The following TMEM255B variants were observed in gnomAD, a reference collection of about 807,000 sequenced individuals.
TMEM255B encodes transmembrane protein 255B.
Under a neutral mutation model 34.5 loss-of-function variants are expected in TMEM255B, and 35 were observed. The observed-to-expected ratio is 1.01, with a 90% CI of 0.77 to 1.34. The LOEUF is 1.34. TMEM255B is among the 40% of genes most tolerant of loss of function. The pLI is 0.00. For synonymous variants in TMEM255B, 206 were observed against 201.2 expected (o/e 1.02, Z -0.20); for missense variants, 432 against 433.2 (o/e 1.00, Z 0.02).
chr13:113,780,677 A>G lies in TMEM255B; in HGVS notation c.252+11517A>G, dbSNP rs540022502. Among the ~76,000 whole-genome samples the G allele has an allele frequency of 4.6e-5, 7 of 152,316 alleles. No homozygotes were observed. The South Asian group carries it at 1.4e-3, about 32-fold the overall frequency. ...TCCTGAACATTTTTCCTCTATTCTG[A>G]TGTCACAGTCTTCAAAGTTATCAGA... On this transcript the variant is annotated intron_variant, in intron 3 of 8. Transcript: ENST00000375353.
chr13:113,768,789 G>C, intron 2 of TMEM255B: 1 of 488,566 alleles, frequency 2.0e-6, no homozygotes, highest in Admixed American at 2.3e-5. Context: ...GGTGGCCCTG[G>C]GTTCCCGAAA....
intron 3 of TMEM255B, among the ~76,000 whole-genome samples, chr13:113,785,797 CAG>C (rs2050731701): frequency 6.6e-6 from 1 of 152,142 alleles, no homozygotes; most frequent in Admixed American, 6.5e-5. Flanking sequence ...GGGTTGCCCT[CAG>C]GGGCTCAGGA....
chr13:113,789,648 A>G (rs1012266308), intron 3 of TMEM255B, among the ~76,000 whole-genome samples: 2 of 152,182 alleles, frequency 1.3e-5, no homozygotes, highest in Non-Finnish European at 2.9e-5. Context: ...GCACCATGAG[A>G]AGCTCTTGGC....
intron 6 of TMEM255B, 89 bp downstream of exon 6, chr13:113,801,001 G>T (rs2051047828): frequency 7.8e-7 from 1 of 1,278,346 alleles, no homozygotes. Context: ...GGAGGTGAGG[G>T]GCGCTGGGGA....
intron 4 of TMEM255B, among the ~76,000 whole-genome samples, chr13:113,796,673 T>TC (rs573183230): frequency 3.5e-4 from 53 of 152,254 alleles, no homozygotes; most frequent in Non-Finnish European, 6.2e-4. Flanking sequence ...GGCTGCGCCA[T>TC]CCCCCCTCCT....
intron 3 of TMEM255B, among the ~76,000 whole-genome samples, chr13:113,784,938 G>C (rs1372771373): frequency 2.0e-5 from 3 of 152,236 alleles, no homozygotes; most frequent in Admixed American, 1.3e-4. Flanking sequence ...CCATCAAAGA[G>C]AGGTTTATTT....
rs1206837956 is a variant in TMEM255B, at chr13:113,812,181, G to A, written c.*278G>A. 8.0e-6 allele frequency: 4 copies of A among 498,416 alleles called. No individual in the cohort carries two copies. The highest frequency in any genetic ancestry group is 7.1e-5 in the East Asian group (2 of 28,046). The allele number at this position is 498,416 out of a possible 1,614,324, so 30.9% of individuals were successfully genotyped here. On this transcript the variant is annotated 3_prime_UTR_variant, in exon 9 of 9. Transcript: ENST00000375353. ...CCGGCCTCCTCCTCTGAGAGCAATT[G>A]TTCTGGTGTTTTCACATCCCTTAAT...
rs968148792 is a variant in TMEM255B at position 113,815,080 on chromosome 13, C to T, written c.*3177C>T. 1 of 152,064 alleles carries T rather than the reference C, an allele frequency of 6.6e-6. No individual in the cohort carries two copies. The highest frequency in any genetic ancestry group is 2.4e-5 in the African/African-American group (1 of 41,348). The allele number at this position is 152,064 out of a possible 1,614,324, so 9.4% of individuals were successfully genotyped here. A position where few individuals can be genotyped will look rare whatever the true frequency, so the allele number is the denominator to read the frequency against. On this transcript the variant is annotated 3_prime_UTR_variant, in exon 9 of 9. Coordinates refer to ENST00000375353, the MANE Select transcript of TMEM255B (RefSeq NM_182614.4). ...GGGCAGGGGTCCGTTGAGACTGGCC[C>T]CACCTTATTAGCTTGGGACCTTGGG...
Position 113,764,430 on chromosome 13 carries a change from C to A in TMEM255B, c.47-1685C>A, listed in dbSNP as rs551673555. On this transcript the variant is annotated intron_variant, in intron 1 of 8. Coordinates refer to ENST00000375353, the MANE Select transcript of TMEM255B (RefSeq NM_182614.4). Reference sequence around the variant, plus strand: ...GTGGGGATTGCTCCCTGGCCCGCACCGGGCTGCGGCCTCTGGTGTCTCAGG... The same window carrying A: ...GTGGGGATTGCTCCCTGGCCCGCACAGGGCTGCGGCCTCTGGTGTCTCAGG... Among the ~76,000 whole-genome samples, 141 of 152,290 alleles carry A rather than the reference C, an allele frequency of 9.3e-4. 2 individuals carry two copies. The highest frequency in any genetic ancestry group is 6.0e-4 in the Non-Finnish European group (41 of 68,010).
At chr13:113,789,827 T>C (rs2050798090) in intron 3 of TMEM255B, among the ~76,000 whole-genome samples, 2 of 148,206 alleles carry the variant, frequency 1.3e-5, no homozygotes, top group Admixed American at 1.3e-4. Context: ...ACTGACCGTG[T>C]ACATGGACAT....
At position 113,800,847 on chromosome 13, in the gene TMEM255B, C is replaced by T. The variant is rs201537526; in HGVS notation, c.444C>T (p.Asp148=). 123 of 1,608,896 alleles carry T rather than the reference C, an allele frequency of 7.6e-5. No homozygotes were observed. Among genetic ancestry groups the T allele is most frequent in the Admixed American group, 3.5e-4 (21 of 59,496 alleles). ...YQTEVTCHSL[D]GKCQLKVRSN... ...CCCAGGTCACCTGTCACTCCCTGGA[C>T]GGCAAGTGCCAGCTGAAGGTGAGAA... The change falls in exon 6 of 9, where the codon GAC becomes GAT. Residue 148 remains aspartate, a synonymous_variant. Coordinates refer to ENST00000375353, the MANE Select transcript of TMEM255B (RefSeq NM_182614.4).
intron 3 of TMEM255B, among the ~76,000 whole-genome samples, chr13:113,787,312 A>G (rs1476356114): frequency 6.6e-6 from 1 of 152,172 alleles, no homozygotes; most frequent in East Asian, 1.9e-4. Context: ...TGTATTCTAG[A>G]CTAAAATAAT....
At position 113,800,152 on chromosome 13, in the gene TMEM255B, G is replaced by A. The variant is rs1474547890; in HGVS notation, c.424-675G>A. 39 of 750,098 alleles carry A rather than the reference G, an allele frequency of 5.2e-5. 1 individual carries two copies. Among genetic ancestry groups the A allele is most frequent in the Non-Finnish European group, 6.2e-5 (36 of 582,582 alleles). The allele number at this position is 750,098 out of a possible 1,614,324, so 46.5% of individuals were successfully genotyped here. ...TGTTTAGGGGGGAGGTGTCCTGTGT[G>A]TGTATGTGTATGTGTGTGTGGAGGT... On this transcript the variant is annotated intron_variant, in intron 5 of 8. Coordinates refer to ENST00000375353, the MANE Select transcript of TMEM255B (RefSeq NM_182614.4).
intron 4 of TMEM255B, 38 bp downstream of exon 4, chr13:113,795,275 G>T: frequency 1.3e-6 from 2 of 1,589,030 alleles, no homozygotes; most frequent in South Asian, 2.2e-5. Flanking sequence ...TCGCTTTCCG[G>T]GGCTGAAAGA....
chr13:113,813,577 C>T lies in TMEM255B; in HGVS notation c.*1674C>T, dbSNP rs80187593. On this transcript the variant is annotated 3_prime_UTR_variant, in exon 9 of 9. Transcript: ENST00000375353. ...TGTCCGATGGAGGGTCTCACACAGC[C>T]TCTGCCCCCTCCGCTGCCCGGGAGC... 0.059 allele frequency: 8,604 copies of T among 146,518 alleles called. 360 individuals are homozygous for T. Among genetic ancestry groups the T allele is most frequent in the East Asian group, 0.14 (696 of 5,090 alleles). 9.1% of individuals were successfully genotyped at this position (146,518 alleles called of 1,614,324 possible). A position where few individuals can be genotyped will look rare whatever the true frequency, so the allele number is the denominator to read the frequency against.
intron 8 of TMEM255B, among the ~76,000 whole-genome samples, chr13:113,808,692 T>C (rs532285170): frequency 6.9e-6 from 1 of 144,670 alleles, no homozygotes; most frequent in South Asian, 2.3e-4. Flanking sequence ...GGGGTTTACT[T>C]CGTGGCTCCT....
intron 3 of TMEM255B, among the ~76,000 whole-genome samples, chr13:113,791,068 A>G (rs937001345): frequency 2.0e-5 from 3 of 152,218 alleles, no homozygotes; most frequent in Admixed American, 2.0e-4. Flanking sequence ...GGGATGCTCT[A>G]ACAATTCGGT....
intron 7 of TMEM255B, among the ~76,000 whole-genome samples, chr13:113,802,832 C>T (rs1490237389): frequency 6.7e-6 from 1 of 148,394 alleles, no homozygotes; most frequent in East Asian, 1.9e-4. Context: ...CCCTGGGCCC[C>T]CAGACGCCCG....
intron 7 of TMEM255B, among the ~76,000 whole-genome samples, chr13:113,802,316 A>G (rs2051080987): frequency 6.6e-6 from 1 of 152,210 alleles, no homozygotes; most frequent in South Asian, 2.1e-4. Flanking sequence ...ACCACAGGGA[A>G]ATCACTGGCC....
Sources: allele counts gnomAD v4.1 joint callset (sites outside exome capture counted in the v4.1 genomes callset), GRCh38; gene constraint gnomAD v4.1.1; transcripts MANE v1.5; gene names NCBI Gene and HGNC (gene_info 2026-07-23, HGNC 2026-07-21).